The following PPY variants were observed in gnomAD, a reference collection of about 807,000 sequenced individuals.
The protein encoded by PPY is pancreatic polypeptide, also known as pancreatic polypeptide prohormone.
Under a neutral mutation model 9.3 loss-of-function variants are expected in PPY, and 6 were observed. The ratio of observed to expected loss-of-function variants is 0.64; its 90% confidence interval spans 0.35 to 1.27. The LOEUF (loss-of-function observed/expected upper bound fraction) is 1.27, where lower values mean the gene tolerates loss of function less well. Ranked by LOEUF, PPY falls within the 50% of genes most tolerant of loss-of-function variation. The pLI is 0.03. For missense variants in PPY, 109 were observed against 119.1 expected (o/e 0.91, Z 0.40); for synonymous variants, 58 against 54.6 (o/e 1.06, Z -0.27).
rs551782462 is a variant in PPY at position 43,941,042 on chromosome 17, T to C, written c.264-90A>G. The C allele has an allele frequency of 7.8e-5, 121 of 1,548,654 alleles. 1 individual carries two copies. The African/African-American group carries it at 1.6e-3, about 20-fold the overall frequency. The stretch of plus-strand genomic sequence containing the variant: ...GCTGGCCCTGGGCTCCTGTTCTCCC[T>C]CTTCCACCCCCCACTACACCTTTCC... On this transcript the variant is annotated intron_variant, in intron 3 of 3. Coordinates refer to ENST00000225992, the MANE Select transcript of PPY (RefSeq NM_002722.5).
In PPY at chr17:43,941,138, C is replaced by T. The variant is rs781624151; in HGVS notation, c.263+5G>A. 40 of 1,551,578 alleles carry T rather than the reference C, an allele frequency of 2.6e-5. No homozygotes were observed. In the South Asian group the frequency reaches 4.2e-4, roughly 16 times the overall value. On this transcript the variant is annotated splice_donor_5th_base_variant and intron_variant, in intron 3 of 3. Transcript: ENST00000225992. The stretch of plus-strand genomic sequence containing the variant: ...TGGACAGACAGGGCAGGGAGTCAAA[C>T]TCACCTGGGGACAGCAGCATGCGGG...
At chr17:43,943,413 G>T (rs573635498), upstream of PPY, among the ~76,000 whole-genome samples, 2 of 152,054 alleles carry the variant, frequency 1.3e-5, no homozygotes, top group South Asian at 2.1e-4. Flanking sequence ...CCACTTTTTG[G>T]CTGAGAAACC....
intron 1 of PPY, 126 bp from the exon 2 acceptor site, chr17:43,941,780 C>T: frequency 1.9e-6 from 2 of 1,071,366 alleles, no homozygotes; most frequent in Non-Finnish European, 2.7e-6. Context: ...GACAAGGGGG[C>T]AGAGCAAAGG....
At position 43,941,211 on chromosome 17, in the gene PPY, A is replaced by G. The variant is rs2048574675; in HGVS notation, c.195T>C (p.Tyr65=). 2.6e-6 allele frequency: 4 copies of G among 1,551,528 alleles called. No homozygotes were observed. In the East Asian group the frequency reaches 9.8e-5, roughly 38 times the overall value. The change falls in exon 3 of 4, where the codon TAT becomes TAC. Residue 65 remains tyrosine, a synonymous_variant. Transcript: ENST00000225992. ...RYINMLTRPR[Y]GKRHKEDTLA... ...GCGTGTCCTCTTTGTGTCTTTTCCC[A>G]TACCTGGGAGGGAAGAGGCAGCAGG...
At chr17:43,944,159 C>T (rs577834961), upstream of PPY, among the ~76,000 whole-genome samples, 3 of 152,280 alleles carry the variant, frequency 2.0e-5, no homozygotes, top group Admixed American at 6.5e-5. Flanking sequence ...TGCAGCTCGC[C>T]GCCAGAGGGC....
rs772462972 is a variant in PPY, at chr17:43,941,595, T to C, written c.60A>G (p.Leu20=). 1.1e-5 allele frequency: 18 copies of C among 1,613,384 alleles called. No homozygotes were observed. The East Asian group carries it at 4.0e-4, about 36-fold the overall frequency. ...LLLLSTCVAL[L]LQPLLGAQGA... is the part of the protein sequence containing the mutation. ...CCTGGGCACCCAGCAGTGGCTGTAG[T>C]AACAGAGCCACGCAGGTGGACAGGA... Residue 20 remains leucine (L), a synonymous_variant, in exon 2 of 4, where the codon TTA becomes TTG. Coordinates refer to ENST00000225992, the MANE Select transcript of PPY (RefSeq NM_002722.5).
At chr17:43,942,836 A>T (rs942932959), upstream of PPY, among the ~76,000 whole-genome samples, 1 of 152,158 alleles carries the variant, frequency 6.6e-6, no homozygotes, top group Non-Finnish European at 1.5e-5. This position sits in a 1 kb window ranked among gnomAD's most constrained non-coding sequence, Gnocchi z 5.3. Flanking sequence ...CCTCCCAAAG[A>T]TCAACCCAAA....
At chr17:43,941,434 G>A in intron 2 of PPY, 30 bp downstream of exon 2, 1 of 1,613,042 alleles carries the variant, frequency 6.2e-7, no homozygotes, top group South Asian at 1.1e-5. Context: ...CCCAGGGGCT[G>A]GGATCTCTCT....
At chr17:43,941,298 G>GC in intron 2 of PPY, 84 bp from the exon 3 acceptor site, 1 of 1,512,326 alleles carries the variant, frequency 6.6e-7, no homozygotes, top group African/African-American at 1.4e-5. Flanking sequence ...GCACCATCTT[G>GC]CCCAGGGCAC....
At chr17:43,941,054 C>T in intron 3 of PPY, 89 bp downstream of exon 3, 3 of 1,546,610 alleles carry the variant, frequency 1.9e-6, no homozygotes, top group Non-Finnish European at 2.6e-6. Context: ...TTCCACCCCC[C>T]ACTACACCTT....
chr17:43,941,431 G>A, intron 2 of PPY, 33 bp downstream of exon 2: 1 of 1,611,742 alleles, frequency 6.2e-7, no homozygotes, highest in Non-Finnish European at 8.5e-7. Context: ...GGTCCCAGGG[G>A]CTGGGATCTC....
chr17:43,941,350 A>G (rs766158399), intron 2 of PPY, 114 bp downstream of exon 2: 1 of 1,536,070 alleles, frequency 6.5e-7, no homozygotes, highest in Admixed American at 1.8e-5. Context: ...TGTTTTCCCA[A>G]GAGCAGGCCT....
upstream of PPY, among the ~76,000 whole-genome samples, chr17:43,943,952 C>T (rs1372867655): frequency 6.6e-6 from 1 of 152,150 alleles, no homozygotes; most frequent in Non-Finnish European, 1.5e-5. Flanking sequence ...CTGCCTTGAC[C>T]CTCTCAATTT....
rs1299837954 is a variant in PPY, at chr17:43,941,489, A to G, written c.166T>C (p.Tyr56His). The part of the protein sequence containing the change: ...MAQYAADLRR[Y>H]INMLTRPRYG... ...CTAGGCCTGGTCAGCATGTTGATGT[A>G]TCTACGGAGATCAGCTGCATACTGG... Residue 56 changes from tyrosine (Y) to histidine (H), a missense_variant, in exon 2 of 4, where the codon TAC (tyrosine) becomes CAC (histidine). Physicochemically the swap from Tyr to His is moderately conservative, Grantham distance 83. Transcript: ENST00000225992. The G allele has an allele frequency of 6.2e-7, 1 of 1,613,948 alleles. No homozygotes were observed.
At chr17:43,944,037 T>G (rs922822947), upstream of PPY, among the ~76,000 whole-genome samples, 2 of 152,242 alleles carry the variant, frequency 1.3e-5, no homozygotes, top group Non-Finnish European at 2.9e-5. Flanking sequence ...ACGAAAGTCA[T>G]TCTGTCTCAG....
upstream of PPY, among the ~76,000 whole-genome samples, chr17:43,943,578 C>T (rs1238452679): frequency 6.6e-6 from 1 of 152,200 alleles, no homozygotes; most frequent in Non-Finnish European, 1.5e-5. Flanking sequence ...GTCTCCCTCC[C>T]CTGCTTAGGC....
Position 43,941,537 on chromosome 17 carries a change from T to C in PPY, c.118A>G (p.Asn40Asp). ...APLEPVYPGD[N>D]ATPEQMAQYA... is the part of the protein sequence containing the mutation. ...TGGGCCATCTGCTCTGGTGTGGCAT[T>C]GTCCCCTGGGTACACTGGCTCCAGT... The change falls in exon 2 of 4, where the codon AAT becomes GAT. Residue 40 changes from asparagine (N) to aspartate (D), a missense_variant. Coordinates refer to ENST00000225992, the MANE Select transcript of PPY (RefSeq NM_002722.5). The C allele has an allele frequency of 6.2e-7, 1 of 1,614,038 alleles. No individual in the cohort carries two copies. The highest frequency in any genetic ancestry group is 8.5e-7 in the Non-Finnish European group (1 of 1,180,010).
chr17:43,943,601 A>T (rs1199275070), upstream of PPY, among the ~76,000 whole-genome samples: 1 of 152,148 alleles, frequency 6.6e-6, no homozygotes, highest in African/African-American at 2.4e-5. Context: ...AGGAGTGGTA[A>T]CTGGCTGTGT....
At position 43,941,452 on chromosome 17, in the gene PPY, T is replaced by C; in HGVS notation, c.191+12A>G. 6.2e-7 allele frequency: 1 copy of C among 1,613,678 alleles called. No individual in the cohort carries two copies. The stretch of plus-strand genomic sequence containing the variant: ...AGGGGCTGGGATCTCTCTCCCCAAC[T>C]GTGGCACACACCTAGGCCTGGTCAG... On this transcript the variant is annotated intron_variant, in intron 2 of 3. Coordinates refer to ENST00000225992, the MANE Select transcript of PPY (RefSeq NM_002722.5).
Sources: allele counts gnomAD v4.1 joint callset (sites outside exome capture counted in the v4.1 genomes callset), GRCh38; gene constraint gnomAD v4.1.1; non-coding constraint Gnocchi (gnomAD v3.1); transcripts MANE v1.5; gene names NCBI Gene and HGNC (gene_info 2026-07-23, HGNC 2026-07-21).